MAPRE2: variants seen among roughly 807,000 people sequenced by gnomAD.
MAPRE2 encodes microtubule-associated protein RP/EB family member 2.
Under a neutral mutation model 43.2 loss-of-function variants are expected in MAPRE2, and 13 were observed. That is an observed-to-expected ratio of 0.30 (90% CI 0.20 to 0.48). MAPRE2 has a LOEUF of 0.48. Among genes scored for constraint, MAPRE2 ranks in the 20% least tolerant of loss-of-function variants. The pLI is 0.99. For missense variants in MAPRE2, 161 were observed against 400.2 expected (o/e 0.40, Z 5.10); for synonymous variants, 135 against 148.8 (o/e 0.91, Z 0.68).
chr18:35,111,363 T>C (rs987521101), intron 4 of MAPRE2, among the ~76,000 whole-genome samples: 1 of 152,242 alleles, frequency 6.6e-6, no homozygotes, highest in East Asian at 1.9e-4. Flanking sequence ...TTATGGTAGC[T>C]GCTTTGAAAG....
chr18:35,021,146 GA>G (rs992202636), intron 2 of MAPRE2, among the ~76,000 whole-genome samples: 1 of 152,162 alleles, frequency 6.6e-6, no homozygotes, highest in Non-Finnish European at 1.5e-5. Flanking sequence ...GATTAAGGAA[GA>G]AAGATAAGCT....
chr18:35,017,867 A>G (rs2097039441), intron 2 of MAPRE2, among the ~76,000 whole-genome samples: 1 of 151,592 alleles, frequency 6.6e-6, no homozygotes, highest in Non-Finnish European at 1.5e-5. Context: ...TATGTTAAAT[A>G]GGAGGGATGA....
intron 2 of MAPRE2, among the ~76,000 whole-genome samples, chr18:35,013,244 A>T (rs1386548324): frequency 6.6e-6 from 1 of 152,148 alleles, no homozygotes; most frequent in Non-Finnish European, 1.5e-5. Flanking sequence ...GACTATAAAG[A>T]TGGAGACAGA....
chr18:34,994,226 A>C (rs1406113106), intron 1 of MAPRE2, among the ~76,000 whole-genome samples: 3 of 152,026 alleles, frequency 2.0e-5, no homozygotes, highest in African/African-American at 7.2e-5. Context: ...AAGCTTCTCT[A>C]GGCTCCAAAA....
intron 1 of MAPRE2, among the ~76,000 whole-genome samples, chr18:35,051,159 C>G (rs1258578514): frequency 6.6e-6 from 1 of 152,094 alleles, no homozygotes; most frequent in Non-Finnish European, 1.5e-5. Flanking sequence ...AGTTCTCTGC[C>G]TCCCTACCCC....
intron 1 of MAPRE2, among the ~76,000 whole-genome samples, chr18:35,062,642 G>A (rs556843438): frequency 1.2e-4 from 19 of 152,294 alleles, no homozygotes; most frequent in African/African-American, 4.3e-4. Flanking sequence ...CATTCTTTTG[G>A]ATCACAGGTC....
At chr18:34,979,529 G>A (rs1267221686) in intron 1 of MAPRE2, among the ~76,000 whole-genome samples, 1 of 151,454 alleles carries the variant, frequency 6.6e-6, no homozygotes, top group Non-Finnish European at 1.5e-5. Flanking sequence ...GTTAGAAGGG[G>A]AAACACAAAG....
At chr18:35,134,662 A>G (rs147328575) in intron 6 of MAPRE2, among the ~76,000 whole-genome samples, 6 of 152,304 alleles carry the variant, frequency 3.9e-5, no homozygotes, top group African/African-American at 1.4e-4. Flanking sequence ...CTTCAGTTGA[A>G]CACGCCCTGT....
At chr18:35,064,183 G>A (rs1906714845) in intron 1 of MAPRE2, among the ~76,000 whole-genome samples, 1 of 138,796 alleles carries the variant, frequency 7.2e-6, no homozygotes, top group South Asian at 2.3e-4. Flanking sequence ...GAACAACAGA[G>A]CAAAGCCTCA....
At chr18:35,092,112 A>C (rs374745086) in intron 2 of MAPRE2, among the ~76,000 whole-genome samples, 3 of 152,206 alleles carry the variant, frequency 2.0e-5, no homozygotes, top group East Asian at 3.8e-4. Context: ...CACTATCATA[A>C]GAACAGCACT....
chr18:35,112,454 A>G (rs1016313622), intron 4 of MAPRE2, among the ~76,000 whole-genome samples: 2 of 152,134 alleles, frequency 1.3e-5, no homozygotes, highest in Admixed American at 1.3e-4. Context: ...TACAGGCGTG[A>G]GCTACCACAC....
intron 3 of MAPRE2, among the ~76,000 whole-genome samples, chr18:35,099,741 A>G (rs1201478888): frequency 3.3e-5 from 5 of 152,246 alleles, no homozygotes; most frequent in South Asian, 2.1e-4. Context: ...ACCAAAGTCT[A>G]TTACCCAAAG....
intron 2 of MAPRE2, among the ~76,000 whole-genome samples, chr18:35,025,543 G>A (rs567335686): frequency 6.6e-6 from 1 of 152,268 alleles, no homozygotes; most frequent in African/African-American, 2.4e-5. Flanking sequence ...TGAGACAGTC[G>A]TGGCTGAATG....
intron 1 of MAPRE2, among the ~76,000 whole-genome samples, chr18:35,057,805 A>T (rs943770485): frequency 6.6e-6 from 1 of 152,184 alleles, no homozygotes; most frequent in African/African-American, 2.4e-5. Flanking sequence ...ATCATTTCAC[A>T]TGGGAAAAGA....
At position 35,128,721 on chromosome 18, in the gene MAPRE2, C is replaced by CT. The variant is rs752542405; in HGVS notation, c.750+1639dup. 4.6e-5 allele frequency among the ~76,000 whole-genome samples: 7 copies of CT among 152,176 alleles called. No homozygotes were observed. The East Asian group carries it at 1.3e-3, about 29-fold the overall frequency. On this transcript the variant is annotated intron_variant, in intron 5 of 6. Transcript: ENST00000300249. ...GATACCAAGGCACAACTGTAGAACT[C>CT]TTTTTCCTTAAGGAACCCAAATTCT...
At chr18:35,089,301 C>T (rs1336129344) in intron 2 of MAPRE2, among the ~76,000 whole-genome samples, 1 of 152,018 alleles carries the variant, frequency 6.6e-6, no homozygotes, top group Non-Finnish European at 1.5e-5. Context: ...GAATGAATAG[C>T]TAAATTGGAT....
chr18:35,085,860 G>A (rs1907850744), intron 2 of MAPRE2, among the ~76,000 whole-genome samples: 1 of 152,266 alleles, frequency 6.6e-6, no homozygotes, highest in African/African-American at 2.4e-5. Flanking sequence ...AGATGAGAAG[G>A]CTCAGATCCA....
chr18:35,022,023 A>G (rs535994804), intron 2 of MAPRE2, among the ~76,000 whole-genome samples: 218 of 152,284 alleles, frequency 1.4e-3, no homozygotes, highest in Middle Eastern at 3.4e-3. Flanking sequence ...GAAGCCTCAG[A>G]AGCAGTGGAA....
intron 2 of MAPRE2, among the ~76,000 whole-genome samples, chr18:35,016,493 T>C (rs1022423844): frequency 6.6e-6 from 1 of 152,112 alleles, no homozygotes; most frequent in African/African-American, 2.4e-5. Context: ...ATTTTAATAA[T>C]AGCTATTTTG....
Sources: allele counts gnomAD v4.1 joint callset (sites outside exome capture counted in the v4.1 genomes callset), GRCh38; gene constraint gnomAD v4.1.1; transcripts MANE v1.5; gene names NCBI Gene and HGNC (gene_info 2026-07-23, HGNC 2026-07-21).